The following STK3 variants were observed in gnomAD, a reference collection of about 807,000 sequenced individuals.
STK3 encodes serine/threonine kinase 3.
Under a neutral mutation model 58.0 loss-of-function variants are expected in STK3, and 41 were observed. That is an observed-to-expected ratio of 0.71 (90% CI 0.55 to 0.92). The LOEUF (loss-of-function observed/expected upper bound fraction) is 0.92, where lower values mean the gene tolerates loss of function less well. STK3 is among the 40% of genes least tolerant of loss of function. The probability of loss-of-function intolerance (pLI) is 0.00; values close to 1 mark genes in which losing one functional copy is unlikely to be tolerated. For missense variants in STK3, 479 were observed against 602.7 expected (o/e 0.79, Z 2.15); for synonymous variants, 170 against 191.0 (o/e 0.89, Z 0.91).
intron 10 of STK3, among the ~76,000 whole-genome samples, chr8:98,459,923 T>C (rs1406982904): frequency 6.6e-6 from 1 of 152,214 alleles, no homozygotes; most frequent in Non-Finnish European, 1.5e-5. Flanking sequence ...AGAGAACTTC[T>C]GGTAGGGCAG....
chr8:98,910,694 G>A (rs1564098709), intron 1 of STK3, among the ~76,000 whole-genome samples: 1 of 152,190 alleles, frequency 6.6e-6, no homozygotes, highest in African/African-American at 2.4e-5. Flanking sequence ...CATTACTGCT[G>A]GGTTGTGGGA....
chr8:98,565,293 C>T (rs1563745632), intron 8 of STK3, among the ~76,000 whole-genome samples: 1 of 152,024 alleles, frequency 6.6e-6, no homozygotes, highest in South Asian at 2.1e-4. Context: ...TTCCAAAAGC[C>T]ACCACTACCA....
At chr8:98,450,582 T>A (rs1036156037), downstream of STK3, among the ~76,000 whole-genome samples, 5 of 152,170 alleles carry the variant, frequency 3.3e-5, no homozygotes, top group African/African-American at 1.2e-4. Context: ...TCTAAAGCAA[T>A]CATTATCAAA....
intron 3 of STK3, chr8:98,427,945 G>A: frequency 6.9e-7 from 1 of 1,458,444 alleles, no homozygotes; most frequent in Non-Finnish European, 9.1e-7. Flanking sequence ...CAGGTGTAGC[G>A]CCCCCGCGCG....
intron 6 of STK3, among the ~76,000 whole-genome samples, chr8:98,639,013 G>C (rs2130587850): frequency 6.6e-6 from 1 of 152,060 alleles, no homozygotes; most frequent in Non-Finnish European, 1.5e-5. Flanking sequence ...TATGGGAAAG[G>C]ATTACTGTTC....
At chr8:98,794,141 C>A (rs1018942184) in intron 1 of STK3, among the ~76,000 whole-genome samples, 1 of 151,934 alleles carries the variant, frequency 6.6e-6, no homozygotes, top group African/African-American at 2.4e-5. Context: ...AACAAAAGAA[C>A]AAACTAACCA....
intron 3 of STK3, chr8:98,431,062 G>A (rs900041155): frequency 1.2e-5 from 2 of 167,106 alleles, no homozygotes; most frequent in African/African-American, 4.8e-5. Context: ...GAACCCAGGG[G>A]TCTGAGCATG....
At chr8:98,509,905 T>C (rs921141105) in intron 10 of STK3, among the ~76,000 whole-genome samples, 1 of 152,034 alleles carries the variant, frequency 6.6e-6, no homozygotes, top group African/African-American at 2.4e-5. Context: ...TAATATCTAA[T>C]GCTTATTGAC....
chr8:98,440,138 T>G (rs1157285090), intron 1 of STK3, among the ~76,000 whole-genome samples: 3 of 152,096 alleles, frequency 2.0e-5, no homozygotes, highest in South Asian at 4.2e-4. Flanking sequence ...GAGTTGAGGG[T>G]AGGCTGCTCC....
At chr8:98,647,621 C>A (rs1364896166) in intron 6 of STK3, among the ~76,000 whole-genome samples, 1 of 152,218 alleles carries the variant, frequency 6.6e-6, no homozygotes, top group Non-Finnish European at 1.5e-5. Context: ...TCTCGGCTCA[C>A]TGCAACCTCA....
At chr8:98,519,554 C>G (rs189690305) in intron 10 of STK3, among the ~76,000 whole-genome samples, 46 of 152,278 alleles carry the variant, frequency 3.0e-4, no homozygotes, top group African/African-American at 1.1e-3. Context: ...TTGGTACTTT[C>G]TCTGCCAACC....
the STK3 span, among the ~76,000 whole-genome samples, chr8:98,364,111 G>A: frequency 1.3e-5 from 2 of 152,132 alleles, no homozygotes; most frequent in Non-Finnish European, 2.9e-5. Flanking sequence ...CAGCGAGCCT[G>A]GGGTTCCTGG....
chr8:98,645,461 T>C (rs1029536887), intron 6 of STK3, among the ~76,000 whole-genome samples: 4 of 152,230 alleles, frequency 2.6e-5, no homozygotes, highest in African/African-American at 9.6e-5. Context: ...GTATATAAAG[T>C]TGCTATAGGC....
Position 98,526,756 on chromosome 8 carries a change from C to T in STK3, c.1303G>A (p.Gly435Arg), listed in dbSNP as rs748944234. 4.5e-6 allele frequency: 7 copies of T among 1,562,794 alleles called. No individual in the cohort carries two copies. In the East Asian group the frequency reaches 1.6e-4, roughly 35 times the overall value. ...AATGTACTTACAAAGTCAAAGTCTCCATCTTGAGGAACTTTCCAGTTATCA... is the reference window on the plus strand; with the variant it reads ...AATGTACTTACAAAGTCAAAGTCTCTATCTTGAGGAACTTTCCAGTTATCA... ...FPDNWKVPQDGDFDFLKNLSL... is the reference protein window; with the variant it reads ...FPDNWKVPQDRDFDFLKNLSL... The change falls in exon 10 of 11, where the codon GGA (glycine) becomes AGA (arginine). Residue 435 changes from glycine to arginine, a missense_variant. Physicochemically the swap from Gly to Arg is moderately radical, Grantham distance 125. Around this residue, in one of 3 missense-constraint regions of STK3, gnomAD observed 309 missense variants for 355.7 expected, o/e 0.87. Coordinates refer to ENST00000419617, the MANE Select transcript of STK3 (RefSeq NM_006281.4).
At chr8:98,499,706 A>G (rs902908161) in intron 10 of STK3, among the ~76,000 whole-genome samples, 13 of 152,228 alleles carry the variant, frequency 8.5e-5, no homozygotes, top group Non-Finnish European at 8.8e-5. Context: ...GATGAGCAAC[A>G]TTTTATTAGA....
At chr8:98,414,043 C>A (rs1287158385) in intron 3 of STK3, among the ~76,000 whole-genome samples, 4 of 152,222 alleles carry the variant, frequency 2.6e-5, no homozygotes, top group African/African-American at 9.6e-5. Flanking sequence ...GTGGGTGGAT[C>A]ACCTGAGGCC....
rs1230218579 is a variant in STK3 at position 98,893,421 on chromosome 8, GGAAAGAAAGAAAGAAA to G, written c.-78-9603_-78-9588del. On this transcript the variant is annotated intron_variant, in intron 1 of 1. Transcript: ENST00000519420. Reference sequence around the variant, plus strand: ...AAGAAAGAAAGAAGGAAGGAAGGAAGGAAAGAAAGAAAGAAAGAAAGAAAGAAAGAAAGAAAGAAAG... The same window carrying G: ...AAGAAAGAAAGAAGGAAGGAAGGAAGGAAAGAAAGAAAGAAAGAAAGAAAG... Among the ~76,000 whole-genome samples, 355 of 60,404 alleles carry G rather than the reference GGAAAGAAAGAAAGAAA, an allele frequency of 5.9e-3. 5 individuals carry two copies. The highest frequency in any genetic ancestry group is 8.4e-3 in the East Asian group (19 of 2,270). 39.6% of individuals were successfully genotyped at this position (60,404 alleles called of 152,430 possible).
intron 1 of STK3, chr8:98,438,592 G>A (rs1282072877): frequency 6.6e-6 from 1 of 152,320 alleles, no homozygotes; most frequent in Non-Finnish European, 1.5e-5. Context: ...CAGGTGAAAC[G>A]GCCCCTCAGA....
At chr8:98,370,088 A>AT (rs5893462), downstream of STK3, among the ~76,000 whole-genome samples, 15,775 of 127,530 alleles carry the variant, frequency 0.12, 1,112 homozygotes, top group African/African-American at 0.21. Flanking sequence ...TGGGATTTTG[A>AT]TTTTTTTTTT....
Sources: allele counts gnomAD v4.1 joint callset (sites outside exome capture counted in the v4.1 genomes callset), GRCh38; gene constraint gnomAD v4.1.1; regional missense constraint gnomAD v4.1.1; transcripts MANE v1.5; gene names NCBI Gene and HGNC (gene_info 2026-07-23, HGNC 2026-07-21).